The following DIS3L2 variants were observed in gnomAD, a reference collection of about 807,000 sequenced individuals.
DIS3L2 encodes DIS3-like exonuclease 2.
DIS3L2 carries 34 observed loss-of-function variants against 97.5 expected under a neutral mutation model. The observed-to-expected ratio is 0.35, with a 90% CI of 0.27 to 0.46. The LOEUF is 0.46. Ranked by LOEUF, DIS3L2 falls within the 20% of genes least tolerant of loss-of-function variation. The pLI is 1.00. For missense variants in DIS3L2, 1,038 were observed against 1,146.0 expected, an observed-to-expected ratio of 0.91 and a Z score of 1.36; for synonymous variants, 435 against 445.2, an observed-to-expected ratio of 0.98 and a Z score of 0.29.
At chr2:232,314,591 A>C (rs147227578) in intron 14 of DIS3L2, among the ~76,000 whole-genome samples, 7 of 152,354 alleles carry the variant, frequency 4.6e-5, no homozygotes, top group African/African-American at 7.2e-5. Context: ...GAACTCTCAA[A>C]ACTAGATATT....
intron 5 of DIS3L2, among the ~76,000 whole-genome samples, chr2:232,035,327 T>C (rs188296766): frequency 1.6e-4 from 24 of 152,086 alleles, no homozygotes; most frequent in African/African-American, 2.7e-4. Context: ...CATCCCCTGC[T>C]TTTTTTTGCT....
chr2:232,280,372 G>GAT (rs1559190064), intron 13 of DIS3L2, among the ~76,000 whole-genome samples: 1 of 152,190 alleles, frequency 6.6e-6, no homozygotes, highest in Admixed American at 6.5e-5. Flanking sequence ...TTTGAAAAGA[G>GAT]GGTATGGGAT....
chr2:232,058,258 A>C (rs1279068536), intron 5 of DIS3L2, among the ~76,000 whole-genome samples: 2 of 152,236 alleles, frequency 1.3e-5, no homozygotes, highest in Non-Finnish European at 2.9e-5. Context: ...AAAATTGATG[A>C]AACTGGAATG....
chr2:232,149,352 C>A (rs1452942920), intron 8 of DIS3L2, among the ~76,000 whole-genome samples: 17 of 110,646 alleles, frequency 1.5e-4, no homozygotes, highest in Admixed American at 1.9e-4. Flanking sequence ...CCCCCCTCCC[C>A]CGACCCCACC....
At chr2:232,002,466 A>G (rs949130743) in intron 1 of DIS3L2, among the ~76,000 whole-genome samples, 1 of 152,218 alleles carries the variant, frequency 6.6e-6, no homozygotes, top group Non-Finnish European at 1.5e-5. Context: ...TAGTAAGGAC[A>G]CTGTTACAGT....
rs1457521421 is a variant in DIS3L2, at chr2:232,281,297, G to A, written c.1659+17857G>A. 1.3e-5 allele frequency among the ~76,000 whole-genome samples: 2 copies of A among 152,202 alleles called. No individual in the cohort carries two copies. The highest frequency in any genetic ancestry group is 2.9e-5 in the Non-Finnish European group (2 of 68,036). ...GCCTGTGGTCCCAGCTATTTGGGAG[G>A]CTGAGGCAGGAGAAGGGCGTGAACC... On this transcript the variant is annotated intron_variant, in intron 13 of 20. Coordinates refer to ENST00000325385, the MANE Select transcript of DIS3L2 (RefSeq NM_152383.5). The surrounding 1 kb of genome is among the most constrained non-coding windows in gnomAD (Gnocchi z 4.1).
chr2:232,007,703 T>A (rs1356090638), intron 1 of DIS3L2, among the ~76,000 whole-genome samples: 1 of 152,324 alleles, frequency 6.6e-6, no homozygotes, highest in East Asian at 1.9e-4. Flanking sequence ...TTAGATGAAA[T>A]TGAGAAATTC....
At chr2:232,083,445 A>C (rs1194873733) in intron 5 of DIS3L2, among the ~76,000 whole-genome samples, 1 of 152,034 alleles carries the variant, frequency 6.6e-6, no homozygotes, top group Non-Finnish European at 1.5e-5. Context: ...GCAGAAATAA[A>C]TACAAAATAG....
chr2:232,187,497 C>T (rs1415659713), intron 9 of DIS3L2, among the ~76,000 whole-genome samples: 3 of 152,096 alleles, frequency 2.0e-5, no homozygotes, highest in South Asian at 4.1e-4. Flanking sequence ...GGCTGGAGTG[C>T]AGTGGTGCGA....
chr2:232,139,076 A>G (rs1698439017), intron 8 of DIS3L2, among the ~76,000 whole-genome samples: 1 of 152,206 alleles, frequency 6.6e-6, no homozygotes, highest in Non-Finnish European at 1.5e-5. Flanking sequence ...CATAGCGATA[A>G]TTTGATTCTA....
At chr2:231,962,459 G>A (rs1220847871) in intron 1 of DIS3L2, among the ~76,000 whole-genome samples, 24 of 135,158 alleles carry the variant, frequency 1.8e-4, no homozygotes, top group African/African-American at 7.0e-4. Context: ...TTTTTGAGAC[G>A]GAGTCTCATT....
Position 232,334,388 on chromosome 2 carries a change from C to A in DIS3L2, c.2178C>A (p.Asp726Glu), listed in dbSNP as rs1432948127. ...TCCCAGGCTATAGGGAGCGACTAGA[C>A]ATGGCGCCCGATACCCTGCAGAAAC... ...AAALGYRERL[D>E]MAPDTLQKQA... Residue 726 changes from aspartate to glutamate, a missense_variant, in exon 18 of 21, where the codon GAC becomes GAA. This residue lies in a region of DIS3L2 where 221 missense variants were observed against 246.9 expected (regional missense o/e 0.90). Transcript: ENST00000325385. The A allele has an allele frequency of 1.2e-6, 2 of 1,613,542 alleles. No homozygotes were observed. The highest frequency in any genetic ancestry group is 2.7e-5 in the African/African-American group (2 of 74,946).
chr2:232,329,857 A>C lies in DIS3L2; in HGVS notation c.1784A>C (p.His595Pro), dbSNP rs752819903. ...CTCTTGGCCAACATGGCAGTGGCCC[A>C]CAAGATCCACCGCGCCTTCCCCGAG... ...FMLLANMAVA[H>P]KIHRAFPEQA... The change falls in exon 15 of 21, where the codon CAC becomes CCC. Residue 595 changes from histidine to proline, a missense_variant. Coordinates refer to ENST00000325385, the MANE Select transcript of DIS3L2 (RefSeq NM_152383.5). 1 of 1,340,650 alleles carries C rather than the reference A, an allele frequency of 7.5e-7. No individual in the cohort carries two copies. Among genetic ancestry groups the C allele is most frequent in the East Asian group, 4.7e-5 (1 of 21,280 alleles). 83.0% of individuals were successfully genotyped at this position (1,340,650 alleles called of 1,614,324 possible).
intron 10 of DIS3L2, among the ~76,000 whole-genome samples, chr2:232,230,959 C>T (rs1464150015): frequency 1.3e-5 from 2 of 152,136 alleles, no homozygotes; most frequent in African/African-American, 4.8e-5. Flanking sequence ...ATGCTCTCCC[C>T]CATGTCATCA....
At chr2:232,340,903 C>A (rs912249364), downstream of DIS3L2, 7 of 471,060 alleles carry the variant, frequency 1.5e-5, no homozygotes, top group African/African-American at 1.0e-4. Context: ...AAACAAAAAA[C>A]AAGCTCCGTG....
chr2:232,300,729 A>T (rs1347034659), intron 14 of DIS3L2, among the ~76,000 whole-genome samples: 4 of 144,792 alleles, frequency 2.8e-5, no homozygotes, highest in Non-Finnish European at 6.0e-5. Flanking sequence ...ATCGTGGCTC[A>T]CTGCAGCCCA....
At chr2:232,245,359 G>T (rs1016476740) in intron 11 of DIS3L2, among the ~76,000 whole-genome samples, 1 of 152,194 alleles carries the variant, frequency 6.6e-6, no homozygotes, top group Non-Finnish European at 1.5e-5. Flanking sequence ...AGAAGGGGCT[G>T]CCTGCCTCTC....
chr2:232,148,375 G>A (rs183138927), intron 8 of DIS3L2, among the ~76,000 whole-genome samples: 1 of 152,156 alleles, frequency 6.6e-6, no homozygotes, highest in Non-Finnish European at 1.5e-5. Context: ...GGGCATCTAA[G>A]GCCCCCAAAG....
chr2:232,310,546 A>G (rs907094273), intron 14 of DIS3L2, among the ~76,000 whole-genome samples: 1 of 152,246 alleles, frequency 6.6e-6, no homozygotes, highest in African/African-American at 2.4e-5. Context: ...TCCGTGCAGC[A>G]GCAATCAGGA....
Sources: allele counts gnomAD v4.1 joint callset (sites outside exome capture counted in the v4.1 genomes callset), GRCh38; gene constraint gnomAD v4.1.1; regional missense constraint gnomAD v4.1.1; non-coding constraint Gnocchi (gnomAD v3.1); transcripts MANE v1.5; gene names NCBI Gene and HGNC (gene_info 2026-07-23, HGNC 2026-07-21).